The following SYT14 variants were observed in gnomAD, a reference collection of about 807,000 sequenced individuals.
SYT14 encodes the protein synaptotagmin 14.
In SYT14, 32 loss-of-function variants were observed where a neutral mutation model predicts 74.2. The ratio of observed to expected loss-of-function variants is 0.43; its 90% CI spans 0.33 to 0.58. The LOEUF (loss-of-function observed/expected upper bound fraction) is 0.58, where lower values mean the gene tolerates loss of function less well. Among genes scored for constraint, SYT14 ranks in the 20% least tolerant of loss-of-function variants. The probability of loss-of-function intolerance (pLI) is 0.05; values close to 1 mark genes in which losing one functional copy is unlikely to be tolerated. For synonymous variants in SYT14, 298 were observed against 337.7 expected, an observed-to-expected ratio of 0.88 and a Z score of 1.29; for missense variants, 791 against 981.8, an observed-to-expected ratio of 0.81 and a Z score of 2.60.
intron 2 of SYT14, among the ~76,000 whole-genome samples, chr1:209,959,084 A>C (rs1558093093): frequency 6.6e-6 from 1 of 152,204 alleles, no homozygotes; most frequent in Non-Finnish European, 1.5e-5. Flanking sequence ...TTGAAAACAT[A>C]TGTTTATACA....
At chr1:210,122,482 A>G (rs1289099065) in intron 7 of SYT14, among the ~76,000 whole-genome samples, 1 of 152,274 alleles carries the variant, frequency 6.6e-6, no homozygotes. Context: ...CTTTTGCCCA[A>G]AATTGACACA....
At chr1:209,953,005 A>T (rs1214132730) in intron 2 of SYT14, 1 of 1,429,036 alleles carries the variant, frequency 7.0e-7, no homozygotes, top group Non-Finnish European at 9.3e-7. Context: ...TGGTTGTTAG[A>T]CATGGTGAAG....
chr1:210,084,504 G>A (rs2081681515), intron 5 of SYT14, among the ~76,000 whole-genome samples: 1 of 152,086 alleles, frequency 6.6e-6, no homozygotes, highest in Admixed American at 6.6e-5. Flanking sequence ...CTACTCTCCT[G>A]GTCATAATAG....
intron 9 of SYT14, 104 bp downstream of exon 8, chr1:210,159,581 C>A: frequency 1.1e-6 from 1 of 937,340 alleles, no homozygotes; most frequent in Non-Finnish European, 1.7e-6. Flanking sequence ...GTTTCCAAAA[C>A]AATGCACATT....
chr1:210,114,404 C>A (rs1330500072), intron 7 of SYT14, among the ~76,000 whole-genome samples: 12 of 151,308 alleles, frequency 7.9e-5, no homozygotes, highest in Admixed American at 6.6e-4. Context: ...CAACTCTTCT[C>A]TATTATTGTA....
chr1:210,140,301 CTTTGGATAAA>C (rs1238924689), intron 7 of SYT14, among the ~76,000 whole-genome samples: 1 of 151,704 alleles, frequency 6.6e-6, no homozygotes, highest in Non-Finnish European at 1.5e-5. Flanking sequence ...ATTTTTTTGC[CTTTGGATAAA>C]TTTGGATAAA....
chr1:209,984,230 A>G lies in SYT14; in HGVS notation c.-485-29403A>G, dbSNP rs896476496. 6.6e-5 allele frequency among the ~76,000 whole-genome samples: 10 copies of G among 152,298 alleles called. No homozygotes were observed. The South Asian group carries it at 8.3e-4, about 13-fold the overall frequency. On this transcript the variant is annotated intron_variant, in intron 2 of 9. Transcript: ENST00000637265. Reference sequence around the variant, plus strand: ...TTAGCGCCAACTAGCCAGTCCAGGTATATGAGCTGATGTCCCCATTGCCAA... The same window carrying G: ...TTAGCGCCAACTAGCCAGTCCAGGTGTATGAGCTGATGTCCCCATTGCCAA...
At chr1:209,980,011 T>C (rs2079452238) in intron 2 of SYT14, among the ~76,000 whole-genome samples, 1 of 152,242 alleles carries the variant, frequency 6.6e-6, no homozygotes, top group Admixed American at 6.5e-5. Context: ...TTTCTGCCTC[T>C]AGGTTTTTGA....
At chr1:210,035,872 TATTTTGGCTATTTGG>T (rs1224518365) in intron 5 of SYT14, among the ~76,000 whole-genome samples, 1 of 152,106 alleles carries the variant, frequency 6.6e-6, no homozygotes, top group East Asian at 1.9e-4. Context: ...TGCTTAAGGT[TATTTTGGCTATTTGG>T]GCTTCTTGTT....
intron 5 of SYT14, among the ~76,000 whole-genome samples, chr1:210,025,689 G>C (rs1225942036): frequency 6.6e-6 from 1 of 152,076 alleles, no homozygotes; most frequent in Non-Finnish European, 1.5e-5. Context: ...ACTTTTACCA[G>C]GTAGCGAGTA....
intron 5 of SYT14, among the ~76,000 whole-genome samples, chr1:210,043,267 A>G (rs940089734): frequency 2.6e-5 from 4 of 152,166 alleles, no homozygotes; most frequent in African/African-American, 4.8e-5. Flanking sequence ...ATACCTTTCC[A>G]TTAAAGGAGA....
chr1:210,105,446 C>G (rs774984162), intron 7 of SYT14, among the ~76,000 whole-genome samples: 1 of 152,148 alleles, frequency 6.6e-6, no homozygotes, highest in South Asian at 2.1e-4. Flanking sequence ...CCTCTTTGAG[C>G]TTTGAAGGAA....
intron 2 of SYT14, among the ~76,000 whole-genome samples, chr1:209,968,471 TTCATATGGAGTAGTTTCA>T (rs145011931): frequency 2.3e-3 from 349 of 152,118 alleles, no homozygotes; most frequent in African/African-American, 7.6e-3. Flanking sequence ...ATGGAGTAGT[TTCATATGGAGTAGTTTCA>T]TCATATGGAG....
chr1:210,152,143 A>C (rs375097167), intron 7 of SYT14, among the ~76,000 whole-genome samples: 2 of 152,174 alleles, frequency 1.3e-5, no homozygotes, highest in East Asian at 1.9e-4. Flanking sequence ...GTTTTCTCCA[A>C]CTGTCATGAA....
intron 7 of SYT14, among the ~76,000 whole-genome samples, chr1:210,113,411 C>G (rs1023659769): frequency 1.3e-5 from 2 of 151,114 alleles, no homozygotes; most frequent in Non-Finnish European, 2.9e-5. Flanking sequence ...AGGCACAGAT[C>G]CTGAACTAAC....
intron 2 of SYT14, among the ~76,000 whole-genome samples, chr1:209,973,269 G>C (rs1363137340): frequency 1.3e-5 from 2 of 151,686 alleles, no homozygotes; most frequent in African/African-American, 2.4e-5. Flanking sequence ...GTGCAGGTTA[G>C]TTACACATGT....
intron 2 of SYT14, among the ~76,000 whole-genome samples, chr1:209,975,043 G>A (rs2079332400): frequency 6.6e-6 from 1 of 152,170 alleles, no homozygotes; most frequent in Admixed American, 6.5e-5. Context: ...GAATGCTTGT[G>A]ATTTTTGCAC....
intron 5 of SYT14, among the ~76,000 whole-genome samples, chr1:210,070,640 G>C (rs998393591): frequency 6.6e-6 from 1 of 152,186 alleles, no homozygotes; most frequent in African/African-American, 2.4e-5. Flanking sequence ...GCACAAAATA[G>C]GTCTTAAAAC....
intron 5 of SYT14, among the ~76,000 whole-genome samples, chr1:210,057,981 T>G (rs1047770163): frequency 1.3e-5 from 2 of 152,212 alleles, no homozygotes; most frequent in African/African-American, 4.8e-5. Flanking sequence ...TACATTTAGG[T>G]CTATACCTAC....
Sources: allele counts gnomAD v4.1 joint callset (sites outside exome capture counted in the v4.1 genomes callset), GRCh38; gene constraint gnomAD v4.1.1; transcripts MANE v1.5; gene names NCBI Gene and HGNC (gene_info 2026-07-23, HGNC 2026-07-21).